Variants in CACNA1C observed in about 807,000 individuals in gnomAD.
CACNA1C encodes calcium voltage-gated channel subunit alpha1 C.
CACNA1C carries 30 observed loss-of-function variants against 229.0 expected under a neutral mutation model. That is an observed-to-expected ratio of 0.13 (90% CI 0.10 to 0.18). CACNA1C has a LOEUF of 0.18. CACNA1C is among the 10% of genes least tolerant of loss of function. The probability of loss-of-function intolerance (pLI) is 1.00; values close to 1 mark genes in which losing one functional copy is unlikely to be tolerated. For synonymous variants in CACNA1C, 1,114 were observed against 1,132.5 expected (o/e 0.98, Z 0.33); for missense variants, 1,658 against 2,845.0 (o/e 0.58, Z 9.49).
At chr12:2,290,583 G>C (rs964752305) in intron 3 of CACNA1C, among the ~76,000 whole-genome samples, 2 of 152,172 alleles carry the variant, frequency 1.3e-5, no homozygotes, top group Admixed American at 6.5e-5. Context: ...CACGAGGCTG[G>C]GTGGGAAGGT....
At chr12:2,468,609 A>G (rs1365895705) in intron 5 of CACNA1C, among the ~76,000 whole-genome samples, 1 of 152,216 alleles carries the variant, frequency 6.6e-6, no homozygotes, top group African/African-American at 2.4e-5. Context: ...TCTGGGCTGT[A>G]GGGCGCCCTG....
At chr12:2,553,233 TG>T (rs1283800966) in intron 10 of CACNA1C, among the ~76,000 whole-genome samples, 1 of 151,686 alleles carries the variant, frequency 6.6e-6, no homozygotes, top group Non-Finnish European at 1.5e-5. Flanking sequence ...GAGGCTGGGG[TG>T]GGGGGCGGAA....
At chr12:2,628,328 A>C (rs567397903) in intron 29 of CACNA1C, among the ~76,000 whole-genome samples, 1 of 152,196 alleles carries the variant, frequency 6.6e-6, no homozygotes, top group Non-Finnish European at 1.5e-5. Flanking sequence ...AACTGTCTAC[A>C]TGAACTCGAG....
At chr12:2,180,158 A>T (rs2096791578) in intron 3 of CACNA1C, among the ~76,000 whole-genome samples, 1 of 152,242 alleles carries the variant, frequency 6.6e-6, no homozygotes, top group African/African-American at 2.4e-5. Context: ...TGGATGGATG[A>T]AGCCTTCATT....
intron 3 of CACNA1C, among the ~76,000 whole-genome samples, chr12:2,345,429 C>T (rs1403280652): frequency 1.3e-5 from 2 of 152,056 alleles, no homozygotes; most frequent in Non-Finnish European, 2.9e-5. Flanking sequence ...CAACTGGTTC[C>T]AAAGTGTTTT....
intron 3 of CACNA1C, among the ~76,000 whole-genome samples, chr12:2,379,974 T>A (rs1258097540): frequency 2.2e-5 from 3 of 138,146 alleles, no homozygotes; most frequent in Non-Finnish European, 4.7e-5. Context: ...GAGCTTGCAG[T>A]GAGCCGAGAT....
chr12:2,680,706 C>G, intron 42 of CACNA1C: 5 of 716,066 alleles, frequency 7.0e-6, no homozygotes, highest in Non-Finnish European at 9.2e-6. Context: ...TGCAGAGGGC[C>G]CATTTCAAGA....
intron 9 of CACNA1C, among the ~76,000 whole-genome samples, chr12:2,513,634 G>A (rs1030682632): frequency 2.6e-5 from 4 of 152,208 alleles, no homozygotes. Flanking sequence ...AGAAATGAAA[G>A]TGATGGATGA....
chr12:2,463,980 A>G (rs1214611049), intron 5 of CACNA1C, among the ~76,000 whole-genome samples: 1 of 152,178 alleles, frequency 6.6e-6, no homozygotes, highest in South Asian at 2.1e-4. Context: ...AATATTTGCA[A>G]TGTATATGCA....
intron 3 of CACNA1C, among the ~76,000 whole-genome samples, chr12:2,225,297 A>G (rs374708412): frequency 1.4e-4 from 22 of 152,366 alleles, no homozygotes; most frequent in African/African-American, 4.8e-4. Context: ...TTATATTCTA[A>G]TATCTTCTTA....
chr12:2,663,648 C>T (rs931457256), intron 34 of CACNA1C, among the ~76,000 whole-genome samples: 1 of 151,896 alleles, frequency 6.6e-6, no homozygotes, highest in African/African-American at 2.4e-5. Flanking sequence ...TCAGAGATCA[C>T]CACTGAAGGG....
intron 18 of CACNA1C, among the ~76,000 whole-genome samples, chr12:2,590,841 G>A (rs1279798569): frequency 1.3e-5 from 2 of 152,182 alleles, no homozygotes; most frequent in African/African-American, 4.8e-5. Context: ...AAAGTGTTGG[G>A]TCATTTCGAG....
rs1238125973 is a variant in CACNA1C, at chr12:2,028,788, A to G, written c.139+57587A>G. Among the ~76,000 whole-genome samples the G allele has an allele frequency of 2.2e-5, 3 of 138,266 alleles. No homozygotes were observed. The South Asian group carries it at 7.3e-4, about 34-fold the overall frequency. The allele number at this position is 138,266 out of a possible 152,430, so 90.7% of individuals were successfully genotyped here. A position where few individuals can be genotyped will look rare whatever the true frequency, so the allele number is the denominator to read the frequency against. On this transcript the variant is annotated intron_variant, in intron 1 of 46. Transcript: ENST00000682462. ...CCTGTAGCTCTGTTTTCTCGATTGT[A>G]AAAGGCTGTGATGATGATGAAATAA...
At chr12:2,146,504 A>G (rs1361687806) in intron 3 of CACNA1C, among the ~76,000 whole-genome samples, 1 of 151,188 alleles carries the variant, frequency 6.6e-6, no homozygotes, top group Non-Finnish European at 1.5e-5. Flanking sequence ...AATGAATGGT[A>G]CAAAATTCCC....
At chr12:2,591,281 G>A (rs1385059622) in intron 18 of CACNA1C, among the ~76,000 whole-genome samples, 1 of 152,116 alleles carries the variant, frequency 6.6e-6, no homozygotes, top group East Asian at 1.9e-4. Flanking sequence ...CAGAGGCACA[G>A]CTGTGTCCAT....
At chr12:2,115,148 C>T in intron 1 of CACNA1C, 76 bp from the exon 2 acceptor site, 1 of 1,170,180 alleles carries the variant, frequency 8.5e-7, no homozygotes, top group Non-Finnish European at 1.2e-6. Context: ...AATTGTGAAT[C>T]TGGGGTCCAG....
intron 3 of CACNA1C, among the ~76,000 whole-genome samples, chr12:2,414,877 C>G (rs915693248): frequency 6.6e-6 from 1 of 152,134 alleles, no homozygotes; most frequent in South Asian, 2.1e-4. Flanking sequence ...GTGCTGGGAT[C>G]ACGGGCTTTC....
At position 2,633,779 on chromosome 12, in the gene CACNA1C, T is replaced by C; in HGVS notation, c.3829-518T>C. ...TCCTCCTCTGCCTCGTCTATTTCTC[T>C]CTCTCTCACTCTCTCTGTTTACCTT... On this transcript the variant is annotated intron_variant, in intron 29 of 46. Coordinates refer to ENST00000399655, the MANE Select transcript of CACNA1C (RefSeq NM_000719.7). The surrounding 1 kb of genome is among the most constrained non-coding windows in gnomAD (Gnocchi z 5.8). 1 of 818,476 alleles carries C rather than the reference T, an allele frequency of 1.2e-6. No individual in the cohort carries two copies. Among genetic ancestry groups the C allele is most frequent in the Non-Finnish European group, 2.1e-6 (1 of 478,978 alleles). The allele number at this position is 818,476 out of a possible 1,614,324, so 50.7% of individuals were successfully genotyped here. A position where few individuals can be genotyped will look rare whatever the true frequency, so the allele number is the denominator to read the frequency against.
intron 3 of CACNA1C, among the ~76,000 whole-genome samples, chr12:2,123,959 C>T (rs191244940): frequency 6.6e-6 from 1 of 152,200 alleles, no homozygotes; most frequent in Admixed American, 6.5e-5. Context: ...AGTGTTGGGT[C>T]TTGTTAATAG....
Sources: allele counts gnomAD v4.1 joint callset (sites outside exome capture counted in the v4.1 genomes callset), GRCh38; gene constraint gnomAD v4.1.1; non-coding constraint Gnocchi (gnomAD v3.1); transcripts MANE v1.5; gene names NCBI Gene and HGNC (gene_info 2026-07-23, HGNC 2026-07-21).